Variants in COBL observed in about 807,000 individuals in gnomAD.
COBL encodes protein cordon-bleu.
COBL carries 51 observed loss-of-function variants against 98.8 expected under a neutral mutation model. The observed-to-expected ratio is 0.52, with a 90% CI of 0.41 to 0.65. The LOEUF is 0.65. Among genes scored for constraint, COBL ranks in the 30% least tolerant of loss-of-function variants. The pLI is 0.00. For missense variants in COBL, 1,617 were observed against 1,617.5 expected (o/e 1.00, Z 0.01); for synonymous variants, 634 against 651.7 (o/e 0.97, Z 0.41).
chr7:51,035,223 A>G (rs886582222), intron 8 of COBL: 1 of 152,188 alleles, frequency 6.6e-6, no homozygotes, highest in Non-Finnish European at 1.5e-5. Flanking sequence ...CAGGAGCCAA[A>G]AGCGCTTTTT....
In COBL at chr7:51,031,129, G is replaced by A. The variant is rs145866157; in HGVS notation, c.1407-220C>T. On this transcript the variant is annotated intron_variant, in intron 8 of 12. Coordinates refer to ENST00000265136, the MANE Select transcript of COBL (RefSeq NM_015198.5). ...CAGGTATGTGTGGGATGCGTGTAGC[G>A]TGTGTGCATGTGTGGAGTATATGTC... 4.6e-3 allele frequency: 2,537 copies of A among 548,800 alleles called. 8 individuals carry two copies. The highest frequency in any genetic ancestry group is 7.0e-3 in the Non-Finnish European group (2,160 of 310,376). The allele number at this position is 548,800 out of a possible 1,614,324, so 34.0% of individuals were successfully genotyped here. A position where few individuals can be genotyped will look rare whatever the true frequency, so the allele number is the denominator to read the frequency against.
At position 51,194,228 on chromosome 7, in the gene COBL, TTA is replaced by T. The variant is rs1365467388; in HGVS notation, c.246-641_246-640del. 1.1e-4 allele frequency among the ~76,000 whole-genome samples: 16 copies of T among 152,302 alleles called. No homozygotes were observed. The South Asian group carries it at 3.1e-3, about 30-fold the overall frequency. ...CAGTATTTGGTTCTCTGTTGTTGCATTAGTTTGCTAAGGATAATGACCTCTAG... is the reference window on the plus strand; with the variant it reads ...CAGTATTTGGTTCTCTGTTGTTGCATGTTTGCTAAGGATAATGACCTCTAG... On this transcript the variant is annotated intron_variant, in intron 2 of 12. Coordinates refer to ENST00000265136, the MANE Select transcript of COBL (RefSeq NM_015198.5).
intron 1 of COBL, among the ~76,000 whole-genome samples, chr7:51,222,158 C>T (rs1467580054): frequency 6.6e-6 from 1 of 151,874 alleles, no homozygotes; most frequent in Non-Finnish European, 1.5e-5. Flanking sequence ...CACTGCACCC[C>T]AGCCTGGGCA....
At position 51,207,483 on chromosome 7, in the gene COBL, G is replaced by A. The variant is rs113709943; in HGVS notation, c.245+12258C>T. On this transcript the variant is annotated intron_variant, in intron 2 of 12. Transcript: ENST00000265136. ...CACGGTCTCCCTCTGATGCCGAGCCGAAGCAGGACGGTACTGCTGCCATCT... is the reference window on the plus strand; with the variant it reads ...CACGGTCTCCCTCTGATGCCGAGCCAAAGCAGGACGGTACTGCTGCCATCT... Among the ~76,000 whole-genome samples, 1,410 of 152,232 alleles carry A rather than the reference G, an allele frequency of 9.3e-3. 19 individuals are homozygous for A. Among genetic ancestry groups the A allele is most frequent in the African/African-American group, 0.032 (1,325 of 41,544 alleles).
chr7:51,089,452 T>C lies in COBL; in HGVS notation c.958-4148A>G, dbSNP rs571924896. On this transcript the variant is annotated intron_variant, in intron 6 of 12. Transcript: ENST00000265136. ...ATAATTTGAACCTGGGAGATGGAGG[T>C]TGCAGTGAGCCGAGATCATGCCAGT... Among the ~76,000 whole-genome samples, 7 of 151,908 alleles carry C rather than the reference T, an allele frequency of 4.6e-5. No individual in the cohort carries two copies. The South Asian group carries it at 1.3e-3, about 27-fold the overall frequency.
chr7:51,101,676 C>A (rs983404000), intron 6 of COBL, among the ~76,000 whole-genome samples: 8 of 152,230 alleles, frequency 5.3e-5, no homozygotes, highest in Non-Finnish European at 1.2e-4. Context: ...TAGTAAAGCA[C>A]CCACCTACTG....
At chr7:51,274,749 C>T (rs1319733500) in intron 1 of COBL, among the ~76,000 whole-genome samples, 1 of 152,142 alleles carries the variant, frequency 6.6e-6, no homozygotes, top group Non-Finnish European at 1.5e-5. Flanking sequence ...GATGCCATGC[C>T]TTGTACAACA....
chr7:51,130,302 G>A (rs1396963160), intron 6 of COBL, among the ~76,000 whole-genome samples: 1 of 152,134 alleles, frequency 6.6e-6, no homozygotes, highest in Non-Finnish European at 1.5e-5. Flanking sequence ...GTGGCCATGA[G>A]ACACACCCGG....
intron 1 of COBL, among the ~76,000 whole-genome samples, chr7:51,261,342 C>G (rs1006973892): frequency 6.6e-6 from 1 of 152,212 alleles, no homozygotes; most frequent in Non-Finnish European, 1.5e-5. Flanking sequence ...CTATCTCCCC[C>G]ACTAGAACAT....
chr7:51,026,058 T>C (rs1281339447), intron 11 of COBL, among the ~76,000 whole-genome samples: 1 of 152,220 alleles, frequency 6.6e-6, no homozygotes, highest in Non-Finnish European at 1.5e-5. Context: ...ATGAGTAATG[T>C]ACAAATCACA....
intron 2 of COBL, among the ~76,000 whole-genome samples, chr7:51,205,655 T>C (rs1377361553): frequency 6.6e-6 from 1 of 150,730 alleles, no homozygotes; most frequent in African/African-American, 2.4e-5. Context: ...TTGTTTTTTT[T>C]TTTTTTACAG....
intron 1 of COBL, among the ~76,000 whole-genome samples, chr7:51,303,424 C>T (rs925088403): frequency 1.3e-5 from 2 of 152,102 alleles, no homozygotes; most frequent in African/African-American, 4.8e-5. Context: ...TCTCTGTGCG[C>T]ACCTGACTTG....
intron 7 of COBL, among the ~76,000 whole-genome samples, chr7:51,063,726 C>CT (rs1382656253): frequency 1.3e-5 from 2 of 152,162 alleles, no homozygotes; most frequent in Admixed American, 6.5e-5. Flanking sequence ...TTATCTCTAA[C>CT]TTTTTTTAAA....
chr7:51,061,202 T>C (rs1791318412), intron 7 of COBL, among the ~76,000 whole-genome samples: 1 of 152,198 alleles, frequency 6.6e-6, no homozygotes, highest in South Asian at 2.1e-4. Flanking sequence ...TCAATGAGTA[T>C]TTCCTTCTCA....
Position 51,295,307 on chromosome 7 carries a change from A to G in COBL, c.41+21286T>C, listed in dbSNP as rs539204946. Among the ~76,000 whole-genome samples, 13 of 151,510 alleles carry G rather than the reference A, an allele frequency of 8.6e-5. No individual in the cohort carries two copies. In the South Asian group the frequency reaches 1.5e-3, roughly 17 times the overall value. On this transcript the variant is annotated intron_variant, in intron 1 of 12. Coordinates refer to ENST00000265136, the MANE Select transcript of COBL (RefSeq NM_015198.5). Reference sequence around the variant, plus strand: ...GCTCAAAAAAAAAAAAACAACCTACATGACAGGTTAGTAGGTGTAGCAAAC... The same window carrying G: ...GCTCAAAAAAAAAAAAACAACCTACGTGACAGGTTAGTAGGTGTAGCAAAC...
chr7:51,291,815 G>A (rs1369577698), intron 1 of COBL, among the ~76,000 whole-genome samples: 2 of 151,998 alleles, frequency 1.3e-5, no homozygotes, highest in African/African-American at 4.8e-5. Context: ...ATTTACAAAT[G>A]AAAAGATAGA....
intron 2 of COBL, among the ~76,000 whole-genome samples, chr7:51,218,608 G>A (rs952188817): frequency 3.9e-5 from 6 of 152,094 alleles, no homozygotes; most frequent in Admixed American, 3.9e-4. Flanking sequence ...CAAGTAGCTG[G>A]GACTACAGGC....
At chr7:51,288,423 A>AG (rs1291104452) in intron 1 of COBL, among the ~76,000 whole-genome samples, 1 of 48,200 alleles carries the variant, frequency 2.1e-5, no homozygotes, top group Non-Finnish European at 5.0e-5. Context: ...AACAGTCTCC[A>AG]AAAAAAAAAA....
chr7:51,283,902 TCAGA>T (rs1216376423), intron 1 of COBL, among the ~76,000 whole-genome samples: 1 of 151,880 alleles, frequency 6.6e-6, no homozygotes, highest in Non-Finnish European at 1.5e-5. Flanking sequence ...ACCAATAACA[TCAGA>T]CAGACACATC....
Sources: allele counts gnomAD v4.1 joint callset (sites outside exome capture counted in the v4.1 genomes callset), GRCh38; gene constraint gnomAD v4.1.1; transcripts MANE v1.5; gene names NCBI Gene and HGNC (gene_info 2026-07-23, HGNC 2026-07-21).